The following TSPAN9 variants were observed in gnomAD, a reference collection of about 807,000 sequenced individuals.
TSPAN9 encodes the protein tetraspanin 9.
In TSPAN9, 16 loss-of-function variants were observed where a neutral mutation model predicts 31.0. The ratio of observed to expected loss-of-function variants is 0.52; its 90% confidence interval spans 0.35 to 0.78. The LOEUF is 0.78. Among genes scored for constraint, TSPAN9 ranks in the 30% least tolerant of loss-of-function variants. The pLI is 0.01. For missense variants in TSPAN9, 272 were observed against 312.5 expected (o/e 0.87, Z 0.98); for synonymous variants, 145 against 121.6 (o/e 1.19, Z -1.27).
intron 3 of TSPAN9, among the ~76,000 whole-genome samples, chr12:3,249,486 C>T (rs180919615): frequency 6.6e-6 from 1 of 152,346 alleles, no homozygotes; most frequent in Admixed American, 6.5e-5. Context: ...AAGGCAGAAC[C>T]TCTGAATTCC....
At chr12:3,162,761 A>T (rs1033419435) in intron 2 of TSPAN9, among the ~76,000 whole-genome samples, 1 of 152,206 alleles carries the variant, frequency 6.6e-6, no homozygotes, top group African/African-American at 2.4e-5. Flanking sequence ...AGGGAAGTTA[A>T]TGAAACAAGT....
At chr12:3,181,019 G>A (rs1441694070) in intron 2 of TSPAN9, among the ~76,000 whole-genome samples, 1 of 151,832 alleles carries the variant, frequency 6.6e-6, no homozygotes, top group Admixed American at 6.6e-5. Flanking sequence ...GAGGGTCAAG[G>A]AGGAGACTGG....
At chr12:3,219,367 C>G (rs1338023764) in intron 3 of TSPAN9, among the ~76,000 whole-genome samples, 1 of 152,212 alleles carries the variant, frequency 6.6e-6, no homozygotes, top group Non-Finnish European at 1.5e-5. Context: ...TTGTCACCAT[C>G]ATTATCCTAT....
At chr12:3,132,072 C>T (rs891306852) in intron 2 of TSPAN9, among the ~76,000 whole-genome samples, 4 of 152,230 alleles carry the variant, frequency 2.6e-5, no homozygotes, top group African/African-American at 9.7e-5. Context: ...TTTCAAGGCT[C>T]ACGCATGCTG....
intron 3 of TSPAN9, among the ~76,000 whole-genome samples, chr12:3,222,214 G>A (rs930847008): frequency 1.3e-5 from 2 of 152,150 alleles, no homozygotes; most frequent in Non-Finnish European, 2.9e-5. Flanking sequence ...GGGGGACGTG[G>A]CCACAGCTGC....
At chr12:3,122,988 A>T (rs1410767744) in intron 2 of TSPAN9, among the ~76,000 whole-genome samples, 1 of 152,152 alleles carries the variant, frequency 6.6e-6, no homozygotes, top group Non-Finnish European at 1.5e-5. Flanking sequence ...AGGGTTGGTC[A>T]GGGGTCCCTG....
intron 2 of TSPAN9, among the ~76,000 whole-genome samples, chr12:3,113,857 G>T (rs1259546825): frequency 6.6e-6 from 1 of 152,194 alleles, no homozygotes; most frequent in African/African-American, 2.4e-5. Flanking sequence ...AGGTCCAGAG[G>T]CAAGTCCTTC....
intron 2 of TSPAN9, among the ~76,000 whole-genome samples, chr12:3,131,001 C>T (rs1308031957): frequency 2.0e-5 from 3 of 152,200 alleles, no homozygotes; most frequent in Middle Eastern, 3.4e-3. Context: ...GGCCAGTGCC[C>T]GTGTGGTATT....
At chr12:3,223,549 G>A (rs780192599) in intron 3 of TSPAN9, among the ~76,000 whole-genome samples, 3 of 152,212 alleles carry the variant, frequency 2.0e-5, no homozygotes, top group South Asian at 2.1e-4. Flanking sequence ...CTGCAGTACT[G>A]CACGTGTGCG....
At chr12:3,218,146 C>T (rs969942402) in intron 3 of TSPAN9, among the ~76,000 whole-genome samples, 1 of 151,984 alleles carries the variant, frequency 6.6e-6, no homozygotes, top group Non-Finnish European at 1.5e-5. Context: ...GTGCTCAGCC[C>T]CCATTTTTTC....
chr12:3,187,998 G>A lies in TSPAN9; in HGVS notation c.-17-13179G>A, dbSNP rs1407209239. Among the ~76,000 whole-genome samples, 1 of 152,158 alleles carries A rather than the reference G, an allele frequency of 6.6e-6. No homozygotes were observed. On this transcript the variant is annotated intron_variant, in intron 2 of 8. Transcript: ENST00000011898. This position sits in a 1 kb window ranked among gnomAD's most constrained non-coding sequence, Gnocchi z 5.2. ...CAGCATCTGCAGTGGCAAACCCAGG[G>A]TGGCGTACCTATGGGTGCTGGGGAA...
rs530006637 is a variant in TSPAN9 at position 3,159,232 on chromosome 12, G to A, written c.-17-41945G>A. ...GCACACTAGATTGAGAGCAGGAGCC[G>A]TGGCTTCTCCTCCCAGCTCTGCCTC... On this transcript the variant is annotated intron_variant, in intron 2 of 8. Transcript: ENST00000011898. 3.1e-4 allele frequency among the ~76,000 whole-genome samples: 47 copies of A among 151,652 alleles called. 1 individual carries two copies. The highest frequency in any genetic ancestry group is 2.8e-3 in the Admixed American group (42 of 15,166).
At chr12:3,101,821 G>C (rs2098311972) in intron 2 of TSPAN9, among the ~76,000 whole-genome samples, 1 of 152,156 alleles carries the variant, frequency 6.6e-6, no homozygotes, top group Non-Finnish European at 1.5e-5. Context: ...TGTTTTCCCT[G>C]CTCCCTGGTG....
chr12:3,182,442 C>G (rs1399463008), intron 2 of TSPAN9, among the ~76,000 whole-genome samples: 1 of 151,852 alleles, frequency 6.6e-6, no homozygotes, highest in African/African-American at 2.4e-5. Flanking sequence ...CTTTCTCTTC[C>G]TATGACTTTC....
rs1287050754 is a variant in TSPAN9, at chr12:3,170,689, T to C, written c.-17-30488T>C. Among the ~76,000 whole-genome samples, 1 of 151,992 alleles carries C rather than the reference T, an allele frequency of 6.6e-6. No homozygotes were observed. The highest frequency in any genetic ancestry group is 2.4e-5 in the African/African-American group (1 of 41,368). ...CTGTAGAATGAGATGGCTGCAGAGATCAGGCCTACCCAGCTGAAAACACTG... is the reference window on the plus strand; with the variant it reads ...CTGTAGAATGAGATGGCTGCAGAGACCAGGCCTACCCAGCTGAAAACACTG... On this transcript the variant is annotated intron_variant, in intron 2 of 8. Coordinates refer to ENST00000011898, the MANE Select transcript of TSPAN9 (RefSeq NM_006675.5). This position sits in a 1 kb window ranked among gnomAD's most constrained non-coding sequence, Gnocchi z 4.4.
At chr12:3,270,120 CT>C (rs1862646152) in intron 3 of TSPAN9, among the ~76,000 whole-genome samples, 2 of 152,044 alleles carry the variant, frequency 1.3e-5, no homozygotes, top group Admixed American at 1.3e-4. Context: ...ACCGGGCCCC[CT>C]AGGAGGTTCT....
chr12:3,181,645 A>G (rs1458114172), intron 2 of TSPAN9, among the ~76,000 whole-genome samples: 1 of 152,092 alleles, frequency 6.6e-6, no homozygotes, highest in Non-Finnish European at 1.5e-5. Flanking sequence ...GGTGGGCTTT[A>G]TGCCCCATGA....
chr12:3,235,945 C>T (rs559593234), intron 3 of TSPAN9, among the ~76,000 whole-genome samples: 1 of 152,380 alleles, frequency 6.6e-6, no homozygotes, highest in South Asian at 2.1e-4. Flanking sequence ...AGCCATGGCT[C>T]ATGTTCCAGG....
chr12:3,145,091 CT>C (rs2098336530), intron 2 of TSPAN9, among the ~76,000 whole-genome samples: 1 of 152,184 alleles, frequency 6.6e-6, no homozygotes, highest in African/African-American at 2.4e-5. Flanking sequence ...CCTAGGGCTC[CT>C]TTTTCTTCCC....
Sources: gnomAD v4.1 joint callset for allele counts (sites outside exome capture counted in the v4.1 genomes callset) on GRCh38, gnomAD v4.1.1 for gene constraint, Gnocchi (gnomAD v3.1) non-coding constraint, MANE v1.5 for transcripts, NCBI Gene and HGNC (gene_info 2026-07-23, HGNC 2026-07-21) for gene names.